Variants in HSP90AA1 observed in about 807,000 individuals in gnomAD.
The protein encoded by HSP90AA1 is heat shock protein 90 alpha family class A member 1.
HSP90AA1 carries 18 observed loss-of-function variants against 73.3 expected under a neutral mutation model. That is an observed-to-expected ratio of 0.25 (90% CI 0.17 to 0.36). HSP90AA1 has a LOEUF of 0.36. HSP90AA1 is among the 10% of genes least tolerant of loss of function. HSP90AA1 has a pLI of 1.00. For synonymous variants in HSP90AA1, 477 were observed against 296.9 expected (o/e 1.61, Z -6.24); for missense variants, 704 against 874.2 (o/e 0.81, Z 2.45).
At chr14:102,139,517 C>T in exon 1 of HSP90AA1, 1 of 1,144,812 alleles carries the variant, frequency 8.7e-7, no homozygotes, top group Non-Finnish European at 1.2e-6. Flanking sequence ...GGCGGGAGAC[C>T]GCTGAGGAGG....
At chr14:102,088,890 GTTCT>G (rs1471074915), upstream of HSP90AA1, among the ~76,000 whole-genome samples, 1 of 143,126 alleles carries the variant, frequency 7.0e-6, no homozygotes, top group African/African-American at 2.5e-5. Context: ...TAACTCTGAC[GTTCT>G]TTTTTTTCTT....
chr14:102,086,100 T>C lies in HSP90AA1; in HGVS notation c.187A>G (p.Ser63Gly), dbSNP rs1458466859. Residue 63 changes from serine (S) to glycine (G), a missense_variant, in exon 3 of 11, where the codon AGC becomes GGC. Physicochemically the swap from Ser to Gly is moderately conservative, Grantham distance 56. Coordinates refer to ENST00000216281, the MANE Select transcript of HSP90AA1 (RefSeq NM_005348.4). ...TCTAATTTACTGGGATCTGTCAAGC[T>C]TTCATACCGGATTTTGTCCAATGCC... ...SDALDKIRYE[S>G]LTDPSKLDSG... 6.2e-7 allele frequency: 1 copy of C among 1,614,082 alleles called. No individual in the cohort carries two copies. Among genetic ancestry groups the C allele is most frequent in the East Asian group, 2.2e-5 (1 of 44,894 alleles).
upstream of HSP90AA1, among the ~76,000 whole-genome samples, chr14:102,091,401 T>C (rs1394942892): frequency 1.3e-5 from 2 of 151,998 alleles, no homozygotes; most frequent in Non-Finnish European, 2.9e-5. Context: ...GGCAGACCAA[T>C]CAATTGAGGT....
intron 2 of HSP90AA1, among the ~76,000 whole-genome samples, chr14:102,097,553 C>G (rs560331183): frequency 1.3e-5 from 2 of 152,196 alleles, no homozygotes; most frequent in Admixed American, 6.5e-5. Flanking sequence ...TTGAGTCCCC[C>G]CAAGGGCAAC....
chr14:102,123,339 A>G (rs1428926895), intron 1 of HSP90AA1, among the ~76,000 whole-genome samples: 1 of 152,112 alleles, frequency 6.6e-6, no homozygotes, highest in Admixed American at 6.5e-5. Flanking sequence ...GTGAGCCAAG[A>G]TCACAACCAC....
exon 1 of HSP90AA1, chr14:102,139,508 G>A: frequency 8.1e-7 from 1 of 1,236,202 alleles, no homozygotes. Context: ...TCAGGGCAGG[G>A]CGGGAGACCG....
In HSP90AA1 at chr14:102,084,623, G is replaced by A. The variant is rs566814438; in HGVS notation, c.981+58C>T. 94 of 1,614,112 alleles carry A rather than the reference G, an allele frequency of 5.8e-5. No homozygotes were observed. In the Admixed American group the frequency reaches 8.2e-4, roughly 14 times the overall value. On this transcript the variant is annotated intron_variant, in intron 5 of 10. Transcript: ENST00000216281. ...ACAATGCATTATAGAAGATATTTGG[G>A]GTGGTGGAGAAAGATGATAATCTAA...
intron 10 of HSP90AA1, 57 bp downstream of exon 10, chr14:102,082,054 T>G: frequency 8.3e-7 from 1 of 1,202,350 alleles, no homozygotes; most frequent in Non-Finnish European, 1.2e-6. Flanking sequence ...GTTCACCATT[T>G]TCTTCAATGT....
rs898771022 is a variant in HSP90AA1, at chr14:102,103,180, CAAAAAAAAAAAAAA to C, written c.156-1109_156-1096del. On this transcript the variant is annotated intron_variant, in intron 1 of 11. Coordinates refer to the HSP90AA1 transcript ENST00000334701. ...TGGGCAGCAGAGCGAGACTCAGTCTCAAAAAAAAAAAAAAAAAAAAAAAAGCAGAAGTGGGAGTT... is the reference window on the plus strand; with the variant it reads ...TGGGCAGCAGAGCGAGACTCAGTCTCAAAAAAAAAAGCAGAAGTGGGAGTT... Among the ~76,000 whole-genome samples the C allele has an allele frequency of 8.1e-5, 3 of 37,210 alleles. No individual in the cohort carries two copies. In the Admixed American group the frequency reaches 1.5e-3, roughly 19 times the overall value. 24.4% of individuals were successfully genotyped at this position (37,210 alleles called of 152,430 possible).
rs201810010 is a variant in HSP90AA1, at chr14:102,138,219, T to C, written c.155+1031A>G. Among the ~76,000 whole-genome samples, 856 of 119,280 alleles carry C rather than the reference T, an allele frequency of 7.2e-3. 11 individuals carry two copies. The highest frequency in any genetic ancestry group is 0.065 in the East Asian group (254 of 3,930). The allele number at this position is 119,280 out of a possible 152,430, so 78.3% of individuals were successfully genotyped here. On this transcript the variant is annotated intron_variant, in intron 1 of 11. Coordinates refer to the HSP90AA1 transcript ENST00000334701. ...TTAACTTTTGCTCGCTGGGTTTTTT[T>C]CCCCCCCCAAAAATTATACTTTTTT...
chr14:102,103,312 C>T (rs146151497), intron 1 of HSP90AA1, among the ~76,000 whole-genome samples: 3 of 146,776 alleles, frequency 2.0e-5, no homozygotes, highest in South Asian at 2.2e-4. Flanking sequence ...TGGGCTTAAG[C>T]GAGTCTCCTA....
chr14:102,087,170 GCATGCGCCGTTGC>G (rs1566722357), upstream of HSP90AA1: 1 of 982,866 alleles, frequency 1.0e-6, no homozygotes, highest in Non-Finnish European at 1.2e-6. Flanking sequence ...GCGCGCCTAC[GCATGCGCCGTTGC>G]CGCGGCACCC....
chr14:102,138,653 C>G (rs2152630300), intron 1 of HSP90AA1, among the ~76,000 whole-genome samples: 1 of 152,252 alleles, frequency 6.6e-6, no homozygotes, highest in African/African-American at 2.4e-5. Context: ...TAGAAATTCT[C>G]TCCATTCACT....
upstream of HSP90AA1, among the ~76,000 whole-genome samples, chr14:102,090,263 C>G (rs566049952): frequency 6.6e-6 from 1 of 152,150 alleles, no homozygotes; most frequent in Non-Finnish European, 1.5e-5. Flanking sequence ...TTCTTAGGAA[C>G]CCCACCTGCC....
chr14:102,110,731 C>T (rs1027218609), intron 1 of HSP90AA1, among the ~76,000 whole-genome samples: 5 of 152,136 alleles, frequency 3.3e-5, no homozygotes, highest in Admixed American at 6.5e-5. Flanking sequence ...AGGTGCCCCC[C>T]ACCACGCCCG....
chr14:102,112,761 G>A (rs143323951), intron 1 of HSP90AA1, among the ~76,000 whole-genome samples: 100 of 152,346 alleles, frequency 6.6e-4, no homozygotes, highest in African/African-American at 2.0e-3. Context: ...GATTACAGGC[G>A]TGAGCCACTG....
chr14:102,093,676 G>A (rs543029087), intron 2 of HSP90AA1, among the ~76,000 whole-genome samples: 2 of 152,182 alleles, frequency 1.3e-5, no homozygotes, highest in East Asian at 3.9e-4. Flanking sequence ...TGTGACCATA[G>A]AAGGGATGTG....
upstream of HSP90AA1, among the ~76,000 whole-genome samples, chr14:102,088,974 T>TCTGCTCACTGCAAC (rs199954822): frequency 6.6e-6 from 1 of 151,430 alleles, no homozygotes; most frequent in East Asian, 1.9e-4. Context: ...TGGCACAATC[T>TCTGCTCACTGCAAC]CTGCTCACTG....
intron 1 of HSP90AA1, among the ~76,000 whole-genome samples, chr14:102,122,928 T>G (rs2049798226): frequency 6.6e-6 from 1 of 150,836 alleles, no homozygotes; most frequent in African/African-American, 2.4e-5. Flanking sequence ...TCAGCCTCCC[T>G]AAGTGCTGGG....
Sources: allele counts gnomAD v4.1 joint callset (sites outside exome capture counted in the v4.1 genomes callset), GRCh38; gene constraint gnomAD v4.1.1; transcripts MANE v1.5; gene names NCBI Gene and HGNC (gene_info 2026-07-23, HGNC 2026-07-21).